Variants in PDE8B observed in about 807,000 individuals in gnomAD.
PDE8B encodes the protein phosphodiesterase 8B, also known as high affinity cAMP-specific and IBMX-insensitive 3',5'-cyclic phosphodiesterase 8B.
In PDE8B, 26 loss-of-function variants were observed where a neutral mutation model predicts 101.3. That is an observed-to-expected ratio of 0.26 (90% CI 0.19 to 0.36). PDE8B has a LOEUF of 0.36. Among genes scored for constraint, PDE8B ranks in the 10% least tolerant of loss-of-function variants. PDE8B has a pLI of 1.00. For synonymous variants in PDE8B, 424 were observed against 429.3 expected (o/e 0.99, Z 0.15); for missense variants, 810 against 1,163.1 (o/e 0.70, Z 4.42).
intron 10 of PDE8B, among the ~76,000 whole-genome samples, chr5:77,384,897 G>A (rs1328717869): frequency 6.6e-6 from 1 of 152,106 alleles, no homozygotes; most frequent in Non-Finnish European, 1.5e-5. Context: ...GAGGATTTTC[G>A]CATCGCTGTT....
chr5:77,248,947 A>T (rs144948199), intron 1 of PDE8B, among the ~76,000 whole-genome samples: 109 of 152,346 alleles, frequency 7.2e-4, no homozygotes, highest in African/African-American at 2.5e-3. Context: ...AGCCAGCAAG[A>T]GAGCCCTCAC....
chr5:77,209,751 T>G (rs118077080), upstream of PDE8B, among the ~76,000 whole-genome samples: 132 of 152,250 alleles, frequency 8.7e-4, 2 homozygotes, highest in East Asian at 0.021. Context: ...CTGGACGGGA[T>G]AGAAACCAGC....
the PDE8B span, chr5:77,114,095 C>T: frequency 6.6e-6 from 1 of 152,176 alleles, no homozygotes; most frequent in African/African-American, 2.4e-5. Flanking sequence ...TTGTGGAAGA[C>T]AGTGTGGTGA....
At chr5:77,140,858 T>A in the PDE8B span, 5 of 152,084 alleles carry the variant, frequency 3.3e-5, no homozygotes, top group Admixed American at 6.5e-5. Flanking sequence ...CTGTACAGAG[T>A]ATGCTTAAGT....
intron 1 of PDE8B, among the ~76,000 whole-genome samples, chr5:77,222,455 C>G (rs1307887149): frequency 6.6e-6 from 1 of 152,118 alleles, no homozygotes; most frequent in Non-Finnish European, 1.5e-5. Context: ...AACCCCATCT[C>G]TCCTAAAAAT....
chr5:77,377,579 TA>T (rs1158149424), intron 10 of PDE8B, among the ~76,000 whole-genome samples: 2 of 152,190 alleles, frequency 1.3e-5, no homozygotes, highest in Admixed American at 6.5e-5. Flanking sequence ...TTGACTAGCT[TA>T]AAAAAGATAC....
At chr5:77,297,263 A>G (rs534069006) in intron 1 of PDE8B, among the ~76,000 whole-genome samples, 13 of 152,306 alleles carry the variant, frequency 8.5e-5, no homozygotes, top group Non-Finnish European at 1.5e-4. Context: ...ACCTCTTAAT[A>G]TAGTCAAAAT....
At chr5:77,373,664 TCA>T (rs1237789724) in intron 10 of PDE8B, among the ~76,000 whole-genome samples, 1 of 152,250 alleles carries the variant, frequency 6.6e-6, no homozygotes, top group Non-Finnish European at 1.5e-5. Flanking sequence ...GTTGCATTTA[TCA>T]GTTTATTTTC....
the PDE8B span, among the ~76,000 whole-genome samples, chr5:77,101,620 G>A: frequency 1.3e-5 from 2 of 151,674 alleles, no homozygotes; most frequent in African/African-American, 4.8e-5. Context: ...CATCTGACAC[G>A]TTGTTTCTTA....
chr5:77,261,662 G>C (rs1760610328), intron 1 of PDE8B, among the ~76,000 whole-genome samples: 1 of 152,162 alleles, frequency 6.6e-6, no homozygotes, highest in Admixed American at 6.5e-5. Flanking sequence ...GCCGGCCAGA[G>C]GGCCTGCTCT....
chr5:77,177,163 GCT>G, the PDE8B span, among the ~76,000 whole-genome samples: 4 of 151,994 alleles, frequency 2.6e-5, no homozygotes, highest in Admixed American at 6.5e-5. Flanking sequence ...TGAGTGTTGG[GCT>G]CTGTTTCGCT....
the PDE8B span, among the ~76,000 whole-genome samples, chr5:77,174,539 A>T: frequency 6.6e-6 from 1 of 152,048 alleles, no homozygotes; most frequent in African/African-American, 2.4e-5. Flanking sequence ...TACTGTACAC[A>T]TCTCCATGAC....
intron 19 of PDE8B, among the ~76,000 whole-genome samples, chr5:77,421,454 A>G (rs1418518997): frequency 1.3e-5 from 2 of 152,138 alleles, no homozygotes; most frequent in Non-Finnish European, 2.9e-5. Flanking sequence ...TTTTTAAAAA[A>G]ACTGGGAGAA....
chr5:77,341,098 G>T (rs1779136508), intron 6 of PDE8B, among the ~76,000 whole-genome samples: 1 of 152,114 alleles, frequency 6.6e-6, no homozygotes, highest in Non-Finnish European at 1.5e-5. Flanking sequence ...AGGTTCTTCT[G>T]CCAGAAGAGT....
At position 77,349,484 on chromosome 5, in the gene PDE8B, C is replaced by T. The variant is rs749726483; in HGVS notation, c.942C>T (p.Leu314=). 1.5e-5 allele frequency: 25 copies of T among 1,614,114 alleles called. No homozygotes were observed. Among genetic ancestry groups the T allele is most frequent in the South Asian group, 1.2e-4 (11 of 91,076 alleles). ...AAGGTGAGCTCCTGGGAAAAGAACTCGCTGATCTGCCCAAAAGCGATAAGA... is the reference window on the plus strand; with the variant it reads ...AAGGTGAGCTCCTGGGAAAAGAACTTGCTGATCTGCCCAAAAGCGATAAGA... ...YHKGELLGKE[L]ADLPKSDKNR... Residue 314 remains leucine, a synonymous_variant, in exon 8 of 22, where the codon CTC becomes CTT. Transcript: ENST00000264917.
intron 2 of PDE8B, among the ~76,000 whole-genome samples, chr5:77,317,510 G>A (rs1449776742): frequency 1.3e-5 from 2 of 152,204 alleles, no homozygotes; most frequent in Non-Finnish European, 2.9e-5. Flanking sequence ...GTTAGGAGTG[G>A]AATGGATTGG....
intron 1 of PDE8B, chr5:77,290,636 G>A: frequency 6.6e-7 from 1 of 1,512,096 alleles, no homozygotes; most frequent in Non-Finnish European, 9.2e-7. Flanking sequence ...AGGAGTATGT[G>A]GATATCTGTG....
At chr5:77,094,910 A>G in the PDE8B span, among the ~76,000 whole-genome samples, 61 of 152,312 alleles carry the variant, frequency 4.0e-4, 2 homozygotes, top group South Asian at 7.9e-3. Flanking sequence ...ATCTGCCCCC[A>G]TGACTCACAT....
At chr5:77,243,235 A>T (rs1280307934) in intron 1 of PDE8B, among the ~76,000 whole-genome samples, 1 of 152,204 alleles carries the variant, frequency 6.6e-6, no homozygotes, top group Non-Finnish European at 1.5e-5. Flanking sequence ...CATAGATAAA[A>T]ATGTAATACC....
Sources: allele counts gnomAD v4.1 joint callset (sites outside exome capture counted in the v4.1 genomes callset), GRCh38; gene constraint gnomAD v4.1.1; transcripts MANE v1.5; gene names NCBI Gene and HGNC (gene_info 2026-07-23, HGNC 2026-07-21).